The following ADCY3 variants were observed in gnomAD, a reference collection of about 807,000 sequenced individuals.
The protein encoded by ADCY3 is adenylate cyclase type 3.
A neutral mutation model predicts 119.4 loss-of-function variants in ADCY3; 70 were observed. The ratio of observed to expected loss-of-function variants is 0.59; its 90% CI spans 0.48 to 0.72. The LOEUF is 0.72. Ranked by LOEUF, ADCY3 falls within the 30% of genes least tolerant of loss-of-function variation. The pLI is 0.00. For synonymous variants in ADCY3, 672 were observed against 621.4 expected (o/e 1.08, Z -1.21); for missense variants, 1,238 against 1,541.6 (o/e 0.80, Z 3.30).
chr2:24,822,026 A>G (rs1572772812), intron 19 of ADCY3: 1 of 217,524 alleles, frequency 4.6e-6, no homozygotes, highest in Non-Finnish European at 9.1e-6. Context: ...AACCTCATCC[A>G]TATAATAGGG....
intron 3 of ADCY3, among the ~76,000 whole-genome samples, chr2:24,852,587 T>C (rs1354739373): frequency 1.3e-5 from 2 of 152,204 alleles, no homozygotes; most frequent in Non-Finnish European, 2.9e-5. Context: ...GTGGCCACCG[T>C]GTACTCAGAA....
intron 2 of ADCY3, among the ~76,000 whole-genome samples, chr2:24,902,877 A>G (rs888515176): frequency 6.6e-6 from 1 of 152,074 alleles, no homozygotes; most frequent in Non-Finnish European, 1.5e-5. Context: ...TAAAAACACA[A>G]AAAATTAGCC....
intron 2 of ADCY3, among the ~76,000 whole-genome samples, chr2:24,913,405 G>A (rs767320432): frequency 5.3e-5 from 8 of 152,184 alleles, no homozygotes; most frequent in East Asian, 1.9e-4. Flanking sequence ...GTTCAGCTAC[G>A]TTGCTTAGCA....
chr2:24,828,423 G>A (rs1049456199), intron 13 of ADCY3, among the ~76,000 whole-genome samples: 3 of 152,048 alleles, frequency 2.0e-5, no homozygotes, highest in Non-Finnish European at 2.9e-5. Flanking sequence ...CAGAAAACTC[G>A]GGCCAGATTT....
chr2:24,873,340 C>T (rs950313097), intron 2 of ADCY3, among the ~76,000 whole-genome samples: 6 of 152,214 alleles, frequency 3.9e-5, no homozygotes, highest in African/African-American at 1.4e-4. Flanking sequence ...CTAACCCCAC[C>T]TGCCAGCAGG....
chr2:24,827,444 G>T, intron 15 of ADCY3, 102 bp downstream of exon 15: 1 of 1,296,904 alleles, frequency 7.7e-7, no homozygotes, highest in Non-Finnish European at 1.1e-6. Flanking sequence ...CAGGTCACGT[G>T]CCTCCCGGGA....
chr2:24,876,002 G>A (rs1442264217), intron 2 of ADCY3, among the ~76,000 whole-genome samples: 1 of 151,846 alleles, frequency 6.6e-6, no homozygotes, highest in Non-Finnish European at 1.5e-5. Flanking sequence ...GGGGGCGGTG[G>A]TGCAGATAGA....
chr2:24,821,147 C>G (rs963386267), intron 20 of ADCY3: 5 of 439,752 alleles, frequency 1.1e-5, no homozygotes, highest in African/African-American at 6.0e-5. Flanking sequence ...AATGATACCC[C>G]CTCAGTAGAA....
rs77808879 is a variant in ADCY3 at position 24,891,625 on chromosome 2, G to A, written c.676-18906C>T. On this transcript the variant is annotated intron_variant, in intron 2 of 21. Transcript: ENST00000679454. ...AGGAAAGATCATACGTTGAGGTGGC[G>A]AAGATCTAGGGTAAGAGCAAATCTT... Among the ~76,000 whole-genome samples the A allele has an allele frequency of 3.5e-4, 54 of 152,314 alleles. No individual in the cohort carries two copies. The East Asian group carries it at 5.6e-3, about 16-fold the overall frequency.
rs553244498 is a variant in ADCY3, at chr2:24,914,734, A to G, written c.675+3579T>C. 1.2e-3 allele frequency among the ~76,000 whole-genome samples: 188 copies of G among 151,490 alleles called. 4 individuals are homozygous for G. Among genetic ancestry groups the G allele is most frequent in the Non-Finnish European group, 2.8e-4 (19 of 67,950 alleles). On this transcript the variant is annotated intron_variant, in intron 2 of 21. Coordinates refer to ENST00000679454, the MANE Select transcript of ADCY3 (RefSeq NM_004036.5). ...AGGGGCTAGAGGATGGGTCGTGAGA[A>G]CCATTGGCTAGGTCTCTGCCCACCC...
Position 24,838,456 on chromosome 2 carries a change from G to A in ADCY3, c.1522C>T (p.Leu508Phe). Residue 508 changes from leucine to phenylalanine, a missense_variant, in exon 8 of 22, where the codon CTC (leucine) becomes TTC (phenylalanine). Leu to Phe is a conservative substitution (Grantham distance 22, BLOSUM62 0). Transcript: ENST00000679454. ...EVKKTATQNG[L>F]NGSALPNGAP... ...GGTGGGGAACTCACCGAGCCATTGA[G>A]GCCATTCTGGGTGGCTGTTTTCTTC... 1 of 1,612,928 alleles carries A rather than the reference G, an allele frequency of 6.2e-7. No individual in the cohort carries two copies. Among genetic ancestry groups the A allele is most frequent in the Non-Finnish European group, 8.5e-7 (1 of 1,179,978 alleles).
intron 2 of ADCY3, among the ~76,000 whole-genome samples, chr2:24,908,301 C>A (rs6718628): frequency 6.6e-6 from 1 of 151,048 alleles, no homozygotes. Context: ...CTGGCCTGGG[C>A]AACAAGAGCG....
intron 3 of ADCY3, among the ~76,000 whole-genome samples, chr2:24,865,371 G>A (rs1216341217): frequency 1.3e-5 from 2 of 152,132 alleles, no homozygotes; most frequent in South Asian, 2.1e-4. Context: ...CTTAAACCCA[G>A]GAGGCGGAAG....
chr2:24,863,877 T>G (rs144639609), intron 3 of ADCY3, among the ~76,000 whole-genome samples: 1 of 152,164 alleles, frequency 6.6e-6, no homozygotes, highest in Non-Finnish European at 1.5e-5. Flanking sequence ...GGTTTTCAAA[T>G]AGGAATCCTT....
chr2:24,837,764 G>A (rs2148537577), intron 8 of ADCY3, among the ~76,000 whole-genome samples: 1 of 152,270 alleles, frequency 6.6e-6, no homozygotes, highest in East Asian at 1.9e-4. Context: ...CTGACAGGAG[G>A]TGTTTGGGGG....
rs748408151 is a variant in ADCY3 at position 24,830,738 on chromosome 2, T to G, written c.2143A>C (p.Ile715Leu). The G allele has an allele frequency of 1.2e-6, 2 of 1,614,056 alleles. No homozygotes were observed. The highest frequency in any genetic ancestry group is 1.7e-6 in the Non-Finnish European group (2 of 1,179,988). ...TCCACGACATTTGCCATCACCAGGA[T>G]GAAGATGGCGAGCATGGCCCAGGTG... ...RNTWAMLAIF[I>L]LVMANVVDML... The change falls in exon 13 of 22, where the codon ATC becomes CTC. Residue 715 changes from isoleucine to leucine, a missense_variant. Physicochemically the swap from Ile to Leu is conservative, Grantham distance 5. Coordinates refer to ENST00000679454, the MANE Select transcript of ADCY3 (RefSeq NM_004036.5).
At chr2:24,849,341 C>T (rs1672025552) in intron 3 of ADCY3, among the ~76,000 whole-genome samples, 1 of 152,178 alleles carries the variant, frequency 6.6e-6, no homozygotes, top group Non-Finnish European at 1.5e-5. Context: ...GTCTCGGAGA[C>T]TGTCTACCAA....
chr2:24,838,428 T>C lies in ADCY3; in HGVS notation c.1533+17A>G. 1.7e-6 allele frequency: 1 copy of C among 583,700 alleles called. No individual in the cohort carries two copies. Among genetic ancestry groups the C allele is most frequent in the South Asian group, 1.8e-5 (1 of 54,150 alleles). 36.2% of individuals were successfully genotyped at this position (583,700 alleles called of 1,614,324 possible). ...GGTGGGGTGGGTGGGGTGGGTGGGG[T>C]GGGGTGGGGAACTCACCGAGCCATT... On this transcript the variant is annotated intron_variant, in intron 8 of 21. Transcript: ENST00000679454.
chr2:24,820,472 T>G lies in ADCY3; in HGVS notation c.3252+252A>C, dbSNP rs564410032. ...CGCCACTGAGACAGATCACAAGGTA[T>G]TAGAAGGTTCATACCCAAAGGTAGG... On this transcript the variant is annotated intron_variant, in intron 21 of 21. Transcript: ENST00000679454. The G allele has an allele frequency of 2.9e-5, 40 of 1,384,922 alleles. No individual in the cohort carries two copies. The East Asian group carries it at 9.9e-4, about 34-fold the overall frequency. The allele number at this position is 1,384,922 out of a possible 1,614,324, so 85.8% of individuals were successfully genotyped here.
Sources: gnomAD v4.1 joint callset for allele counts (sites outside exome capture counted in the v4.1 genomes callset) on GRCh38, gnomAD v4.1.1 for gene constraint, MANE v1.5 for transcripts, NCBI Gene and HGNC (gene_info 2026-07-23, HGNC 2026-07-21) for gene names.